The following FDX1 variants were observed in gnomAD, a reference collection of about 807,000 sequenced individuals.
FDX1 encodes the protein adrenodoxin, mitochondrial.
Under a neutral mutation model 14.9 loss-of-function variants are expected in FDX1, and 9 were observed. The observed-to-expected ratio is 0.60, with a 90% confidence interval of 0.36 to 1.05. The LOEUF is 1.05. Among genes scored for constraint, FDX1 ranks in the 50% least tolerant of loss-of-function variants. The pLI is 0.01. For missense variants in FDX1, 204 were observed against 237.2 expected (o/e 0.86, Z 0.92); for synonymous variants, 92 against 99.4 (o/e 0.93, Z 0.44).
At chr11:110,442,772 A>G (rs1946412935) in intron 2 of FDX1, among the ~76,000 whole-genome samples, 1 of 152,166 alleles carries the variant, frequency 6.6e-6, no homozygotes, top group African/African-American at 2.4e-5. Context: ...TGGTTTTGAA[A>G]TGTGAGGACA....
chr11:110,435,006 G>T (rs769658049), intron 1 of FDX1, among the ~76,000 whole-genome samples: 1 of 150,298 alleles, frequency 6.7e-6, no homozygotes, highest in African/African-American at 2.5e-5. Context: ...CCCCTGCCTC[G>T]GCCTCCCAAA....
At chr11:110,436,057 T>C (rs964498024) in intron 2 of FDX1, 99 bp downstream of exon 2, 4 of 1,008,340 alleles carry the variant, frequency 4.0e-6, no homozygotes, top group Middle Eastern at 2.1e-4. Context: ...ACCTATAGCA[T>C]GCTATGTAAA....
rs747335456 is a variant in FDX1, at chr11:110,456,908, C to A, written c.311-10C>A. ...AAGGGACTATGTTCAGTGTTTGTTGCTTTTGTCAGGTGCATGTGAGGGAAC... is the reference window on the plus strand; with the variant it reads ...AAGGGACTATGTTCAGTGTTTGTTGATTTTGTCAGGTGCATGTGAGGGAAC... On this transcript the variant is annotated splice_polypyrimidine_tract_variant and intron_variant, in intron 2 of 3. Transcript: ENST00000260270. 2.7e-5 allele frequency: 44 copies of A among 1,607,514 alleles called. No individual in the cohort carries two copies. In the South Asian group the frequency reaches 4.8e-4, roughly 17 times the overall value.
intron 2 of FDX1, among the ~76,000 whole-genome samples, chr11:110,455,222 G>T (rs985585597): frequency 1.3e-5 from 2 of 151,646 alleles, no homozygotes; most frequent in African/African-American, 4.8e-5. Context: ...AGCCAGGCTG[G>T]TCTCGAACCT....
intron 1 of FDX1, among the ~76,000 whole-genome samples, chr11:110,433,714 G>C (rs993986781): frequency 6.8e-6 from 1 of 146,934 alleles, no homozygotes. Context: ...GAGAGCGCAG[G>C]CCCTTTTGAG....
At chr11:110,431,536 G>C (rs955520428) in intron 1 of FDX1, among the ~76,000 whole-genome samples, 7 of 152,160 alleles carry the variant, frequency 4.6e-5, no homozygotes, top group African/African-American at 1.7e-4. Flanking sequence ...GGGAAATCAG[G>C]GAGAAGGCAA....
intron 2 of FDX1, among the ~76,000 whole-genome samples, chr11:110,446,639 A>C (rs1382810902): frequency 6.6e-6 from 1 of 152,158 alleles, no homozygotes; most frequent in African/African-American, 2.4e-5. Context: ...CTCGAACCTG[A>C]AACCGTAGAG....
At chr11:110,434,711 T>C (rs1224347280) in intron 1 of FDX1, among the ~76,000 whole-genome samples, 1 of 148,252 alleles carries the variant, frequency 6.7e-6, no homozygotes, top group Non-Finnish European at 1.5e-5. Context: ...GAGAGCTGTG[T>C]GATGACTTTT....
At chr11:110,440,573 T>C (rs1423544934) in intron 2 of FDX1, among the ~76,000 whole-genome samples, 1 of 152,236 alleles carries the variant, frequency 6.6e-6, no homozygotes, top group Non-Finnish European at 1.5e-5. Context: ...CTATTGTTTG[T>C]GTGCATTGGA....
chr11:110,459,289 TC>T (rs1946542309), intron 3 of FDX1, among the ~76,000 whole-genome samples: 1 of 152,198 alleles, frequency 6.6e-6, no homozygotes, highest in East Asian at 1.9e-4. Flanking sequence ...TATGTGAAGC[TC>T]TCAGAACAGT....
chr11:110,439,374 A>ATT (rs533066615), intron 2 of FDX1, among the ~76,000 whole-genome samples: 1 of 151,112 alleles, frequency 6.6e-6, no homozygotes, highest in African/African-American at 2.4e-5. Flanking sequence ...TGCCCGGCTA[A>ATT]TTTTTTTGTA....
chr11:110,439,271 T>A (rs1946390625), intron 2 of FDX1, among the ~76,000 whole-genome samples: 1 of 152,014 alleles, frequency 6.6e-6, no homozygotes, highest in African/African-American at 2.4e-5. Flanking sequence ...GCAGTGCTAC[T>A]GTCTTAGCTC....
chr11:110,444,912 C>G (rs71466717), intron 2 of FDX1, among the ~76,000 whole-genome samples: 3 of 151,340 alleles, frequency 2.0e-5, no homozygotes, highest in Non-Finnish European at 4.4e-5. Flanking sequence ...CGCCCTGAAT[C>G]GTTTCCTGGG....
rs1565382029 is a variant in FDX1, at chr11:110,444,726, A to ATATATATATATATACGTG, written c.310+8782_310+8783insCGTGTATATATATATATA. Among the ~76,000 whole-genome samples, 37 of 62,348 alleles carry ATATATATATATATACGTG rather than the reference A, an allele frequency of 5.9e-4. 1 individual carries two copies. The highest frequency in any genetic ancestry group is 2.1e-3 in the East Asian group (3 of 1,398). 40.9% of individuals were successfully genotyped at this position (62,348 alleles called of 152,430 possible). A position where few individuals can be genotyped will look rare whatever the true frequency, so the allele number is the denominator to read the frequency against. On this transcript the variant is annotated intron_variant, in intron 2 of 3. Coordinates refer to ENST00000260270, the MANE Select transcript of FDX1 (RefSeq NM_004109.5). ...TATACGTATATATATATATATACGT[A>ATATATATATATATACGTG]TATATATATATATATATACACGTAT...
chr11:110,451,597 A>G (rs1398308546), intron 2 of FDX1, among the ~76,000 whole-genome samples: 2 of 152,234 alleles, frequency 1.3e-5, no homozygotes, highest in African/African-American at 4.8e-5. Context: ...TATATACCCA[A>G]AGGAATATAA....
intron 1 of FDX1, among the ~76,000 whole-genome samples, chr11:110,433,996 A>T (rs767884814): frequency 6.6e-6 from 1 of 152,228 alleles, no homozygotes; most frequent in Non-Finnish European, 1.5e-5. Context: ...TTTAAGTTGA[A>T]GAGAATCTTT....
intron 2 of FDX1, among the ~76,000 whole-genome samples, chr11:110,452,598 G>A (rs1248009919): frequency 1.3e-5 from 2 of 151,438 alleles, no homozygotes; most frequent in Non-Finnish European, 2.9e-5. Flanking sequence ...AGTGGCTTTG[G>A]GAAAAAAATG....
At chr11:110,437,241 G>A (rs1391358234) in intron 2 of FDX1, among the ~76,000 whole-genome samples, 3 of 152,172 alleles carry the variant, frequency 2.0e-5, no homozygotes. Flanking sequence ...AGATCTTCCT[G>A]CCTTGGCCTC....
chr11:110,461,919 C>A (rs1442960197), intron 3 of FDX1, among the ~76,000 whole-genome samples: 1 of 152,194 alleles, frequency 6.6e-6, no homozygotes, highest in African/African-American at 2.4e-5. Flanking sequence ...TTCCAGATTT[C>A]TTCTTTTAAA....
Sources: gnomAD v4.1 joint callset for allele counts (sites outside exome capture counted in the v4.1 genomes callset) on GRCh38, gnomAD v4.1.1 for gene constraint, MANE v1.5 for transcripts, NCBI Gene and HGNC (gene_info 2026-07-23, HGNC 2026-07-21) for gene names.